TET2: variants seen among roughly 807,000 people sequenced by gnomAD.
The protein encoded by TET2 is tet methylcytosine dioxygenase 2.
A neutral mutation model predicts 142.9 loss-of-function variants in TET2; 299 were observed. That is an observed-to-expected ratio of 2.09 (90% CI 1.90 to 2.30). TET2 has a LOEUF of 2.30. TET2 is among the 30% of genes most tolerant of loss of function. TET2 has a pLI of 0.00. For synonymous variants in TET2, 819 were observed against 849.0 expected (o/e 0.96, Z 0.61); for missense variants, 2,418 against 2,378.0 (o/e 1.02, Z -0.35).
At chr4:105,167,100 T>C (rs964570737) in intron 1 of TET2, among the ~76,000 whole-genome samples, 3 of 152,110 alleles carry the variant, frequency 2.0e-5, no homozygotes, top group African/African-American at 7.2e-5. Flanking sequence ...TTTTTCTTAT[T>C]TATTAAATTC....
rs576980219 is a variant in TET2, at chr4:105,241,767, A to G, written c.3500+338A>G. ...TCCCACTCTGGCTTTCCCACCTGAT[A>G]ATAAAGTGTCAAAGCAGAAAGACTG... On this transcript the variant is annotated intron_variant, in intron 4 of 10. Coordinates refer to ENST00000380013, the MANE Select transcript of TET2 (RefSeq NM_001127208.3). 1.5e-4 allele frequency: 185 copies of G among 1,252,998 alleles called. No homozygotes were observed. In the African/African-American group the frequency reaches 2.5e-3, roughly 17 times the overall value. 77.6% of individuals were successfully genotyped at this position (1,252,998 alleles called of 1,614,324 possible).
upstream of TET2, chr4:105,146,559 G>A (rs1406634577): frequency 3.9e-5 from 6 of 152,646 alleles, no homozygotes; most frequent in Non-Finnish European, 8.8e-5. Context: ...CGCCCGGTGC[G>A]GGGGGCTAAT....
chr4:105,206,432 GTTTC>G (rs1165317920), intron 2 of TET2, among the ~76,000 whole-genome samples: 1 of 152,196 alleles, frequency 6.6e-6, no homozygotes, highest in African/African-American at 2.4e-5. Context: ...TCTGTTTAGT[GTTTC>G]TTTGTCTCCC....
intron 2 of TET2, among the ~76,000 whole-genome samples, chr4:105,197,488 G>C (rs1030102916): frequency 1.3e-5 from 2 of 152,202 alleles, no homozygotes; most frequent in Non-Finnish European, 2.9e-5. Context: ...GTGGACTTTA[G>C]AATGTAGGCT....
At chr4:105,190,795 T>C in intron 2 of TET2, 1 of 298,078 alleles carries the variant, frequency 3.4e-6, no homozygotes, top group Non-Finnish European at 6.2e-6. Context: ...CAAATGTAAC[T>C]ATAAACATAA....
chr4:105,225,371 A>G (rs892686213), intron 2 of TET2, among the ~76,000 whole-genome samples: 11 of 152,046 alleles, frequency 7.2e-5, no homozygotes, highest in African/African-American at 2.2e-4. Context: ...ATTGCGCTCT[A>G]TGAGTTTTTT....
intron 2 of TET2, among the ~76,000 whole-genome samples, chr4:105,193,059 TTAAG>T (rs1279942268): frequency 2.0e-5 from 3 of 152,132 alleles, no homozygotes; most frequent in Non-Finnish European, 2.9e-5. Flanking sequence ...ACACATACAC[TTAAG>T]TAAGTGATAT....
In TET2 at chr4:105,275,857, C is replaced by T. The variant is rs1269103191; in HGVS notation, c.5347C>T (p.Gln1783Ter). Residue 1783 changes from glutamine to a stop codon, truncating the protein, a stop_gained, in exon 11 of 11, where the codon CAA (glutamine) becomes TAA (stop). Coordinates refer to ENST00000380013, the MANE Select transcript of TET2 (RefSeq NM_001127208.3). LOFTEE classifies it low-confidence loss of function (END_TRUNC). ...FNSSLHALHL[Q>*]NKENDMLSHT... ...CAGCTCTCTTCATGCCCTGCATCTC[C>T]AAAACAAGGAGAATGACATGCTTTC... 2.6e-6 allele frequency: 4 copies of T among 1,551,786 alleles called. No individual in the cohort carries two copies. The highest frequency in any genetic ancestry group is 1.7e-6 in the Non-Finnish European group (2 of 1,147,018).
chr4:105,237,256 T>TATA lies in TET2; in HGVS notation c.3315_3316insTAA (p.Ile1105_Glu1106insTer). 1 of 1,614,156 alleles carries TATA rather than the reference T, an allele frequency of 6.2e-7. No individual in the cohort carries two copies. Among genetic ancestry groups the TATA allele is most frequent in the South Asian group, 1.1e-5 (1 of 91,090 alleles). The stretch of plus-strand genomic sequence containing the variant: ...GCTGCTTCTGTTCTCAATAATTTTA[T>TATA]AGAGTCACCTTCCAAATTACTAGAT... On this transcript the variant is annotated stop_gained and inframe_insertion, in exon 3 of 11. Coordinates refer to ENST00000380013, the MANE Select transcript of TET2 (RefSeq NM_001127208.3). LOFTEE classifies it high-confidence loss of function.
chr4:105,161,119 A>G (rs758632786), intron 1 of TET2, among the ~76,000 whole-genome samples: 4 of 152,152 alleles, frequency 2.6e-5, no homozygotes, highest in Non-Finnish European at 4.4e-5. Flanking sequence ...ATATTATCTG[A>G]CCGAATCTAT....
chr4:105,240,156 A>T (rs1008359837), intron 3 of TET2: 3 of 234,702 alleles, frequency 1.3e-5, no homozygotes, highest in African/African-American at 6.7e-5. Flanking sequence ...TACTGTGAGA[A>T]TTACCAAAAT....
intron 2 of TET2, among the ~76,000 whole-genome samples, chr4:105,194,887 G>T (rs1241479237): frequency 6.6e-6 from 1 of 152,092 alleles, no homozygotes; most frequent in African/African-American, 2.4e-5. Flanking sequence ...ACTCAACTAT[G>T]TGAAAGCAAA....
chr4:105,146,358 G>A (rs527254797), upstream of TET2: 7 of 152,594 alleles, frequency 4.6e-5, no homozygotes, highest in Admixed American at 4.6e-4. Context: ...TCTCCCAGGG[G>A]TGGAGACCCG....
Position 105,236,172 on chromosome 4 carries a change from C to T in TET2, c.2230C>T (p.Gln744Ter), listed in dbSNP as rs1363720470. Reference sequence around the variant, plus strand: ...TTCACATCTCCCTCAAAACCAGCAACAGCAGCAAAAATTACAAATAAAGAA... The same window carrying T: ...TTCACATCTCCCTCAAAACCAGCAATAGCAGCAAAAATTACAAATAAAGAA... ...QSSHLPQNQQ[Q>*]QQKLQIKNKE... The change falls in exon 3 of 11, where the codon CAG (glutamine) becomes TAG (stop). Residue 744 changes from glutamine to a stop codon, truncating the protein, a stop_gained. Coordinates refer to ENST00000380013, the MANE Select transcript of TET2 (RefSeq NM_001127208.3). LOFTEE classifies it high-confidence loss of function. The T allele has an allele frequency of 4.3e-6, 7 of 1,613,982 alleles. No homozygotes were observed. The highest frequency in any genetic ancestry group is 1.3e-5 in the African/African-American group (1 of 74,910).
chr4:105,150,982 T>C (rs1415689280), intron 1 of TET2, among the ~76,000 whole-genome samples: 1 of 152,212 alleles, frequency 6.6e-6, no homozygotes, highest in African/African-American at 2.4e-5. Flanking sequence ...AATAGATATA[T>C]AATCTTTTTC....
intron 2 of TET2, among the ~76,000 whole-genome samples, chr4:105,198,707 T>C (rs1434131471): frequency 6.6e-6 from 1 of 152,176 alleles, no homozygotes; most frequent in Non-Finnish European, 1.5e-5. Context: ...TCCCTTTCCA[T>C]ACCATGCAGG....
intron 1 of TET2, among the ~76,000 whole-genome samples, chr4:105,176,445 A>G (rs541611376): frequency 1.3e-5 from 2 of 152,328 alleles, no homozygotes; most frequent in Admixed American, 1.3e-4. Flanking sequence ...GTAAGGTTAC[A>G]GAATACAAAC....
intron 6 of TET2, among the ~76,000 whole-genome samples, chr4:105,251,910 C>T (rs1729885841): frequency 6.6e-6 from 1 of 152,170 alleles, no homozygotes; most frequent in African/African-American, 2.4e-5. Flanking sequence ...GGTAAAAGCA[C>T]ATTGAATGAA....
In TET2 at chr4:105,275,900, T is replaced by A. The variant is rs2110315007; in HGVS notation, c.5390T>A (p.Leu1797Ter). 1 of 1,552,076 alleles carries A rather than the reference T, an allele frequency of 6.4e-7. No individual in the cohort carries two copies. The highest frequency in any genetic ancestry group is 1.2e-5 in the South Asian group (1 of 84,066). ...ATGCTTTCCCACACAGCTAATGGGT[T>A]ATCAAAGATGCTTCCAGCTCTTAAC... Reference protein sequence around the residue: ...NDMLSHTANGLSKMLPALNHD... With the variant: ...NDMLSHTANG The change falls in exon 11 of 11, where the codon TTA becomes TAA. Residue 1797 changes from leucine (L) to a stop codon, truncating the protein, a stop_gained. Transcript: ENST00000380013. LOFTEE classifies it low-confidence loss of function (END_TRUNC).
Sources: allele counts gnomAD v4.1 joint callset (sites outside exome capture counted in the v4.1 genomes callset), GRCh38; gene constraint gnomAD v4.1.1; transcripts MANE v1.5; gene names NCBI Gene and HGNC (gene_info 2026-07-23, HGNC 2026-07-21).